The following SNRNP200 variants were observed in gnomAD, a reference collection of about 807,000 sequenced individuals.
SNRNP200 encodes small nuclear ribonucleoprotein U5 subunit 200.
SNRNP200 carries 66 observed loss-of-function variants against 255.2 expected under a neutral mutation model. The ratio of observed to expected loss-of-function variants is 0.26; its 90% CI spans 0.21 to 0.32. The LOEUF is 0.32. SNRNP200 is among the 10% of genes least tolerant of loss of function. The pLI is 1.00. For missense variants in SNRNP200, 1,585 were observed against 2,749.8 expected (o/e 0.58, Z 9.47); for synonymous variants, 939 against 1,027.8 (o/e 0.91, Z 1.65).
intron 36 of SNRNP200, 115 bp from the exon 37 acceptor site, chr2:96,279,113 A>C: frequency 1.2e-6 from 1 of 823,998 alleles, no homozygotes; most frequent in Non-Finnish European, 2.1e-6. Context: ...TAATACCAAA[A>C]TGGAAGAAGC....
chr2:96,299,214 T>C (rs955309065), intron 6 of SNRNP200, 115 bp downstream of exon 6: 4 of 1,033,854 alleles, frequency 3.9e-6, no homozygotes, highest in African/African-American at 3.1e-5. Context: ...GTGTTTATTA[T>C]AGTTCACTCC....
Position 96,289,902 on chromosome 2 carries a change from T to A in SNRNP200, c.2837A>T (p.Asp946Val). 6.2e-7 allele frequency: 1 copy of A among 1,614,056 alleles called. No individual in the cohort carries two copies. Among genetic ancestry groups the A allele is most frequent in the Non-Finnish European group, 8.5e-7 (1 of 1,180,002 alleles). Residue 946 changes from aspartate (D) to valine (V), a missense_variant, in exon 21 of 45, where the codon GAT (aspartate) becomes GTT (valine). Around this residue, in one of 9 missense-constraint regions of SNRNP200, gnomAD observed 719 missense variants for 1,091.1 expected, o/e 0.66. Transcript: ENST00000323853. ...TAGTCGGCGCTGGTCCAGCAGGGGA[T>A]CTCCCTTGAGGTCATCATGAGAGAT... ...YGISHDDLKG[D>V]PLLDQRRLDL... is the part of the protein sequence containing the mutation.
rs1203087175 is a variant in SNRNP200 at position 96,286,162 on chromosome 2, G to C, written c.4003+149C>G. The C allele has an allele frequency of 2.0e-5, 16 of 805,366 alleles. No homozygotes were observed. Among genetic ancestry groups the C allele is most frequent in the Non-Finnish European group, 3.4e-5 (16 of 463,838 alleles). 49.9% of individuals were successfully genotyped at this position (805,366 alleles called of 1,614,324 possible). ...AAAGCAACCAAAGGCTTCTGACAAA[G>C]GAAAAAGTCCTGGTGGGTCCCAGCG... is the stretch of plus-strand genomic sequence containing the variant. On this transcript the variant is annotated intron_variant, in intron 29 of 44. Coordinates refer to ENST00000323853, the MANE Select transcript of SNRNP200 (RefSeq NM_014014.5). This position sits in a 1 kb window ranked among gnomAD's most constrained non-coding sequence, Gnocchi z 4.8.
At chr2:96,282,196 A>AT (rs2063803947) in intron 34 of SNRNP200, 1 of 432,860 alleles carries the variant, frequency 2.3e-6, no homozygotes, top group Admixed American at 3.5e-5. Flanking sequence ...ACTACAGCTG[A>AT]TGGACTGCTC....
intron 3 of SNRNP200, among the ~76,000 whole-genome samples, 174 bp downstream of exon 3, chr2:96,302,985 T>C (rs1055119019): frequency 6.6e-6 from 1 of 152,124 alleles, no homozygotes; most frequent in Non-Finnish European, 1.5e-5. Flanking sequence ...TATGTAGGCA[T>C]GATTGATTAA....
chr2:96,305,300 T>C (rs2063980668), intron 1 of SNRNP200, 93 bp downstream of exon 1: 5 of 1,515,704 alleles, frequency 3.3e-6, no homozygotes, highest in Non-Finnish European at 4.6e-6. Context: ...TTCGTGGCTC[T>C]CCTGTAGGCC....
rs1263353356 is a variant in SNRNP200, at chr2:96,287,174, A to G, written c.3485-14T>C. 1.9e-6 allele frequency: 3 copies of G among 1,614,194 alleles called. No homozygotes were observed. The highest frequency in any genetic ancestry group is 2.5e-6 in the Non-Finnish European group (3 of 1,180,040). On this transcript the variant is annotated splice_polypyrimidine_tract_variant and intron_variant, in intron 26 of 44. Coordinates refer to ENST00000323853, the MANE Select transcript of SNRNP200 (RefSeq NM_014014.5). The surrounding 1 kb of genome is among the most constrained non-coding windows in gnomAD (Gnocchi z 5.7). ...GGATAAGCTCCCCTACAAGGAAATG[A>G]GAGTACTGAGGCTGCAGCCCAGCCT...
chr2:96,288,734 G>A lies in SNRNP200; in HGVS notation c.3187C>T (p.Leu1063=). ...EEPSAKINVL[L]QAFISQLKLE... ...TTCAGCTGTGAGATGAAGGCTTGCA[G>A]AAGAACGTTGATCTGTAAAGAAGCA... Residue 1063 remains leucine, a synonymous_variant, in exon 24 of 45, where the codon CTG becomes TTG. Coordinates refer to ENST00000323853, the MANE Select transcript of SNRNP200 (RefSeq NM_014014.5). 6.2e-7 allele frequency: 1 copy of A among 1,614,088 alleles called. No individual in the cohort carries two copies. Among genetic ancestry groups the A allele is most frequent in the South Asian group, 1.1e-5 (1 of 91,078 alleles).
In SNRNP200 at chr2:96,274,513, G is replaced by C. The variant is rs1479098721; in HGVS notation, c.*499C>G. 1 of 199,832 alleles carries C rather than the reference G, an allele frequency of 5.0e-6. No homozygotes were observed. The highest frequency in any genetic ancestry group is 1.0e-5 in the Non-Finnish European group (1 of 96,182). 12.4% of individuals were successfully genotyped at this position (199,832 alleles called of 1,614,324 possible). A position where few individuals can be genotyped will look rare whatever the true frequency, so the allele number is the denominator to read the frequency against. ...CAGTGTTGGTTCTTGTGGTAGTGCT[G>C]ATGTGTGGGTACCACTGAGGCCAGG... On this transcript the variant is annotated 3_prime_UTR_variant, in exon 45 of 45. Coordinates refer to ENST00000323853, the MANE Select transcript of SNRNP200 (RefSeq NM_014014.5).
Position 96,297,028 on chromosome 2 carries a change from C to T in SNRNP200, c.1420G>A (p.Gly474Arg). ...VEKLPKYAQA[G>R]FEGFKTLNRI... is the part of the protein sequence containing the mutation. ...TTCAGTGTTTTGAAGCCCTCAAACC[C>T]AGCCTGGGCATACTTTGGCAGCTTT... The change falls in exon 12 of 45, where the codon GGG becomes AGG. Residue 474 changes from glycine (G) to arginine (R), a missense_variant. Gly to Arg is a moderately radical substitution (Grantham distance 125). This residue lies in a region of SNRNP200 where 383 missense variants were observed against 645.3 expected (regional missense o/e 0.59). Transcript: ENST00000323853. 6.2e-7 allele frequency: 1 copy of T among 1,614,228 alleles called. No homozygotes were observed. The highest frequency in any genetic ancestry group is 1.1e-5 in the South Asian group (1 of 91,084).
intron 5 of SNRNP200, among the ~76,000 whole-genome samples, chr2:96,300,573 C>T (rs1034403135): frequency 6.6e-6 from 1 of 152,092 alleles, no homozygotes; most frequent in Admixed American, 6.6e-5. Context: ...ACCACCTTGG[C>T]TAACACGGTG....
chr2:96,293,901 G>A (rs1218058980), intron 14 of SNRNP200, among the ~76,000 whole-genome samples: 1 of 152,156 alleles, frequency 6.6e-6, no homozygotes, highest in African/African-American at 2.4e-5. Flanking sequence ...AGTTTGAATA[G>A]TCTAAAGCAG....
At position 96,290,758 on chromosome 2, in the gene SNRNP200, T is replaced by C. The variant is rs1405595804; in HGVS notation, c.2479A>G (p.Ile827Val). Residue 827 changes from isoleucine (I) to valine (V), a missense_variant, in exon 19 of 45, where the codon ATC (isoleucine) becomes GTC (valine). By Grantham distance (29) the Ile-to-Val change is conservative. Coordinates refer to ENST00000323853, the MANE Select transcript of SNRNP200 (RefSeq NM_014014.5). The surrounding 1 kb of genome is among the most constrained non-coding windows in gnomAD (Gnocchi z 4.5). ...WGVNLPAHTV[I>V]IKGTQVYSPE... is the part of the protein sequence containing the mutation. ...CTGTACACCTGGGTGCCTTTGATGATGACTGTATGTGCAGGGAGATTCACA... is the reference window on the plus strand; with the variant it reads ...CTGTACACCTGGGTGCCTTTGATGACGACTGTATGTGCAGGGAGATTCACA... 1 of 1,614,208 alleles carries C rather than the reference T, an allele frequency of 6.2e-7. No individual in the cohort carries two copies. The highest frequency in any genetic ancestry group is 2.2e-5 in the East Asian group (1 of 44,878).
rs1272471542 is a variant in SNRNP200, at chr2:96,303,162, G to A, written c.378C>T (p.Asp126=). 3 of 1,614,088 alleles carry A rather than the reference G, an allele frequency of 1.9e-6. No individual in the cohort carries two copies. The highest frequency in any genetic ancestry group is 4.5e-5 in the East Asian group (2 of 44,876). The change falls in exon 3 of 45, where the codon GAC becomes GAT. Residue 126 remains aspartate (D), a synonymous_variant. Transcript: ENST00000323853. ...TATTTCACAATATCACACTCACCTG[G>A]TCCCCAAGAGCAGCCTGGATGAAGC... ...LLSFIQAALG[D]QPRDILCGAA...
At chr2:96,289,155 G>A in intron 22 of SNRNP200, 38 bp from the exon 23 acceptor site, 1 of 1,613,830 alleles carries the variant, frequency 6.2e-7, no homozygotes, top group Non-Finnish European at 8.5e-7. Context: ...AAAGCCTTGT[G>A]GCCGAGGAGG....
chr2:96,293,103 T>A lies in SNRNP200; in HGVS notation c.2037-8A>T. The A allele has an allele frequency of 6.2e-7, 1 of 1,614,176 alleles. No homozygotes were observed. Among genetic ancestry groups the A allele is most frequent in the Non-Finnish European group, 8.5e-7 (1 of 1,180,028 alleles). On this transcript the variant is annotated splice_region_variant and splice_polypyrimidine_tract_variant and intron_variant, in intron 15 of 44. Coordinates refer to ENST00000323853, the MANE Select transcript of SNRNP200 (RefSeq NM_014014.5). Reference sequence around the variant, plus strand: ...AGAGGCACTGGACGGAAGCTAGAAGTTCAACAGTTAGACAAATGAGGCTTT... The same window carrying A: ...AGAGGCACTGGACGGAAGCTAGAAGATCAACAGTTAGACAAATGAGGCTTT...
intron 13 of SNRNP200, 148 bp from the exon 14 acceptor site, chr2:96,295,806 T>G: frequency 1.2e-6 from 1 of 828,534 alleles, no homozygotes; most frequent in Non-Finnish European, 2.0e-6. Context: ...TGAACATATC[T>G]TCCTCAAACA....
intron 30 of SNRNP200, chr2:96,284,793 A>G (rs1209509086): frequency 8.7e-6 from 5 of 577,836 alleles, no homozygotes; most frequent in East Asian, 6.0e-5. Context: ...CTTGTTGCCC[A>G]GGCTGGAGTG....
Position 96,286,292 on chromosome 2 carries a change from G to A in SNRNP200, c.4003+19C>T, listed in dbSNP as rs1157195429. ...CCGGTGACTTCAAAAGCCTCCAGAG[G>A]AGGGATGGAAACACTTACCCTGGGT... is the stretch of plus-strand genomic sequence containing the variant. On this transcript the variant is annotated intron_variant, in intron 29 of 44. Transcript: ENST00000323853. The surrounding 1 kb of genome is among the most constrained non-coding windows in gnomAD (Gnocchi z 4.8). The A allele has an allele frequency of 1.9e-6, 3 of 1,613,090 alleles. No homozygotes were observed. Among genetic ancestry groups the A allele is most frequent in the Middle Eastern group, 1.6e-4 (1 of 6,084 alleles).
Sources: allele counts gnomAD v4.1 joint callset (sites outside exome capture counted in the v4.1 genomes callset), GRCh38; gene constraint gnomAD v4.1.1; regional missense constraint gnomAD v4.1.1; non-coding constraint Gnocchi (gnomAD v3.1); transcripts MANE v1.5; gene names NCBI Gene and HGNC (gene_info 2026-07-23, HGNC 2026-07-21).